The following BCAS3 variants were observed in gnomAD, a reference collection of about 807,000 sequenced individuals.
The protein encoded by BCAS3 is BCAS3 microtubule associated cell migration factor, also known as BCAS4/BCAS3 fusion.
BCAS3 carries 53 observed loss-of-function variants against 116.1 expected under a neutral mutation model. The observed-to-expected ratio is 0.46, with a 90% confidence interval of 0.37 to 0.57. BCAS3 has a LOEUF of 0.57. Among genes scored for constraint, BCAS3 ranks in the 20% least tolerant of loss-of-function variants. BCAS3 has a pLI of 0.00. For synonymous variants in BCAS3, 391 were observed against 408.2 expected (o/e 0.96, Z 0.51); for missense variants, 917 against 1,165.4 (o/e 0.79, Z 3.10).
At chr17:61,216,095 T>C (rs535193228) in intron 22 of BCAS3, among the ~76,000 whole-genome samples, 1 of 152,368 alleles carries the variant, frequency 6.6e-6, no homozygotes, top group East Asian at 1.9e-4. Flanking sequence ...AATTTCCTGA[T>C]AGTCATATCA....
chr17:61,108,214 T>C (rs2074801584), intron 22 of BCAS3, among the ~76,000 whole-genome samples: 1 of 152,236 alleles, frequency 6.6e-6, no homozygotes, highest in African/African-American at 2.4e-5. Context: ...TACTTTATCT[T>C]GTATTAAGGT....
rs146370196 is a variant in BCAS3, at chr17:61,109,315, G to A, written c.2425+24751G>A. Among the ~76,000 whole-genome samples, 293 of 151,308 alleles carry A rather than the reference G, an allele frequency of 1.9e-3. 3 individuals are homozygous for A. The highest frequency in any genetic ancestry group is 6.7e-3 in the African/African-American group (278 of 41,200). On this transcript the variant is annotated intron_variant, in intron 22 of 23. Coordinates refer to ENST00000407086, the MANE Select transcript of BCAS3 (RefSeq NM_017679.5). ...TGTGTGTGTGTGTGTGTGTGTGTGT[G>A]TATACACGCCACATTTTCTTTATCT...
chr17:61,149,397 A>T (rs1366811086), intron 22 of BCAS3, among the ~76,000 whole-genome samples: 1 of 152,162 alleles, frequency 6.6e-6, no homozygotes, highest in Non-Finnish European at 1.5e-5. Flanking sequence ...TTTGATCTTT[A>T]TAGCTAGTAG....
chr17:61,384,940 A>C (rs1417358233), intron 23 of BCAS3, among the ~76,000 whole-genome samples: 3 of 152,190 alleles, frequency 2.0e-5, no homozygotes, highest in Non-Finnish European at 4.4e-5. Flanking sequence ...CAGGGGAGCC[A>C]GGCAGCCTGG....
chr17:60,765,916 T>C (rs888090306), intron 6 of BCAS3, among the ~76,000 whole-genome samples: 1 of 152,088 alleles, frequency 6.6e-6, no homozygotes, highest in African/African-American at 2.4e-5. Context: ...TCTAAACTTC[T>C]CACTTCATTT....
Position 61,034,613 on chromosome 17 carries a change from G to A in BCAS3, c.1638-53G>A. 1.3e-6 allele frequency: 2 copies of A among 1,488,704 alleles called. No individual in the cohort carries two copies. The highest frequency in any genetic ancestry group is 9.2e-7 in the Non-Finnish European group (1 of 1,082,234). 92.2% of individuals were successfully genotyped at this position (1,488,704 alleles called of 1,614,324 possible). On this transcript the variant is annotated intron_variant, in intron 16 of 23. Transcript: ENST00000407086. This position sits in a 1 kb window ranked among gnomAD's most constrained non-coding sequence, Gnocchi z 5.0. ...AAAGGAAAAACTGTCATTACCTAAA[G>A]GAGTATCATTTCATCATGATAATTG...
chr17:60,913,167 T>C (rs1484907195), intron 12 of BCAS3, among the ~76,000 whole-genome samples: 1 of 152,106 alleles, frequency 6.6e-6, no homozygotes, highest in Non-Finnish European at 1.5e-5. Context: ...AATGCATTGA[T>C]AACACTTGAA....
At chr17:60,766,142 A>G (rs2044071244) in intron 6 of BCAS3, among the ~76,000 whole-genome samples, 1 of 152,098 alleles carries the variant, frequency 6.6e-6, no homozygotes, top group Non-Finnish European at 1.5e-5. Flanking sequence ...ATCCTCCTTT[A>G]GCTTGGAGAA....
rs1202835375 is a variant in BCAS3 at position 60,934,229 on chromosome 17, C to CT, written c.1087+9730dup. 3.9e-5 allele frequency among the ~76,000 whole-genome samples: 6 copies of CT among 152,142 alleles called. 1 individual carries two copies. Among genetic ancestry groups the CT allele is most frequent in the Non-Finnish European group, 8.8e-5 (6 of 68,030 alleles). On this transcript the variant is annotated intron_variant, in intron 13 of 23. Transcript: ENST00000407086. Reference sequence around the variant, plus strand: ...AAATGCCCAGGTCCCACCTAAAGTCCTAATGTAGCCCTGGGTTCCATCAGT... The same window carrying CT: ...AAATGCCCAGGTCCCACCTAAAGTCCTTAATGTAGCCCTGGGTTCCATCAGT...
chr17:61,035,993 C>T (rs2066997981), intron 17 of BCAS3, among the ~76,000 whole-genome samples: 2 of 152,130 alleles, frequency 1.3e-5, no homozygotes, highest in African/African-American at 4.8e-5. Flanking sequence ...TAACTGAACT[C>T]GCACCTAAGG....
At chr17:61,273,578 GT>G (rs1163536432) in intron 22 of BCAS3, among the ~76,000 whole-genome samples, 4 of 151,646 alleles carry the variant, frequency 2.6e-5, no homozygotes, top group Non-Finnish European at 5.9e-5. Flanking sequence ...AGTTTGTTGA[GT>G]TTCTTGGTTC....
rs1267952685 is a variant in BCAS3, at chr17:61,097,625, T to C, written c.2425+13061T>C. On this transcript the variant is annotated intron_variant, in intron 22 of 23. Coordinates refer to ENST00000407086, the MANE Select transcript of BCAS3 (RefSeq NM_017679.5). This position sits in a 1 kb window ranked among gnomAD's most constrained non-coding sequence, Gnocchi z 4.0. ...TCTATGAGGAATCTTCAGGATATTT[T>C]TCAATAGACAGAAGTAAAAGAGATG... Among the ~76,000 whole-genome samples, 1 of 152,186 alleles carries C rather than the reference T, an allele frequency of 6.6e-6. No individual in the cohort carries two copies. Among genetic ancestry groups the C allele is most frequent in the Admixed American group, 6.5e-5 (1 of 15,274 alleles).
intron 7 of BCAS3, among the ~76,000 whole-genome samples, chr17:60,867,904 G>GTT (rs1364366704): frequency 6.6e-6 from 1 of 151,888 alleles, no homozygotes; most frequent in Non-Finnish European, 1.5e-5. Context: ...TTGTTCGTTA[G>GTT]TTTTAAGGTT....
chr17:60,713,994 A>T (rs1396664179), intron 5 of BCAS3, among the ~76,000 whole-genome samples: 1 of 151,896 alleles, frequency 6.6e-6, no homozygotes, highest in Non-Finnish European at 1.5e-5. Flanking sequence ...CCACCATGCC[A>T]GGCTAATTTT....
intron 12 of BCAS3, among the ~76,000 whole-genome samples, chr17:60,919,824 A>AT (rs1791880141): frequency 6.6e-6 from 1 of 152,186 alleles, no homozygotes; most frequent in South Asian, 2.1e-4. Context: ...GAAATAGATG[A>AT]TAAGTTAATA....
In BCAS3 at chr17:61,343,630, G is replaced by C. The variant is rs1460834349; in HGVS notation, c.2426-24697G>C. Among the ~76,000 whole-genome samples the C allele has an allele frequency of 6.6e-6, 1 of 152,238 alleles. No homozygotes were observed. The highest frequency in any genetic ancestry group is 1.5e-5 in the Non-Finnish European group (1 of 68,050). On this transcript the variant is annotated intron_variant, in intron 22 of 23. Transcript: ENST00000407086. The surrounding 1 kb of genome is among the most constrained non-coding windows in gnomAD (Gnocchi z 5.5). The stretch of plus-strand genomic sequence containing the variant: ...GAGGTTTGAGCCAAACAACTGGATG[G>C]CAAGGCAACAGACATCCCACTGCCG...
At chr17:61,255,265 C>T (rs1317793603) in intron 22 of BCAS3, among the ~76,000 whole-genome samples, 1 of 152,148 alleles carries the variant, frequency 6.6e-6, no homozygotes, top group Non-Finnish European at 1.5e-5. Context: ...AATCTCATTC[C>T]CAGTTGCCAA....
At chr17:60,880,447 C>A (rs1308199791) in intron 9 of BCAS3, among the ~76,000 whole-genome samples, 2 of 152,106 alleles carry the variant, frequency 1.3e-5, no homozygotes, top group Non-Finnish European at 2.9e-5. Flanking sequence ...TGCCACCACA[C>A]CCAGCTAATT....
intron 6 of BCAS3, among the ~76,000 whole-genome samples, chr17:60,790,046 T>C (rs2046625392): frequency 6.6e-6 from 1 of 152,184 alleles, no homozygotes; most frequent in African/African-American, 2.4e-5. Flanking sequence ...TTGCATGGAC[T>C]TTCTAGTAAA....
Sources: gnomAD v4.1 joint callset for allele counts (sites outside exome capture counted in the v4.1 genomes callset) on GRCh38, gnomAD v4.1.1 for gene constraint, Gnocchi (gnomAD v3.1) non-coding constraint, MANE v1.5 for transcripts, NCBI Gene and HGNC (gene_info 2026-07-23, HGNC 2026-07-21) for gene names.